ARID1B: variants seen among roughly 807,000 people sequenced by gnomAD.
The protein encoded by ARID1B is AT-rich interactive domain-containing protein 1B.
ARID1B carries 30 observed loss-of-function variants against 212.3 expected under a neutral mutation model. The observed-to-expected ratio is 0.14, with a 90% CI of 0.11 to 0.19. The LOEUF (loss-of-function observed/expected upper bound fraction) is 0.19, where lower values mean the gene tolerates loss of function less well. Among genes scored for constraint, ARID1B ranks in the 10% least tolerant of loss-of-function variants. The pLI, the probability that ARID1B is intolerant of heterozygous loss-of-function variation, is 1.00. For synonymous variants in ARID1B, 1,402 were observed against 1,301.7 expected, an observed-to-expected ratio of 1.08 and a Z score of -1.66; for missense variants, 2,891 against 3,204.0, an observed-to-expected ratio of 0.90 and a Z score of 2.36.
At chr6:156,979,576 T>TG (rs397885283) in intron 4 of ARID1B, among the ~76,000 whole-genome samples, 1 of 151,418 alleles carries the variant, frequency 6.6e-6, no homozygotes, top group Non-Finnish European at 1.5e-5. Context: ...TTTTTTTTTT[T>TG]GAGACAAAGT....
At chr6:157,065,733 G>A (rs927159495) in intron 4 of ARID1B, among the ~76,000 whole-genome samples, 3 of 152,214 alleles carry the variant, frequency 2.0e-5, no homozygotes, top group African/African-American at 7.2e-5. Context: ...CATTAGTGCT[G>A]ACCTATCAGG....
At chr6:156,950,113 A>T (rs926785402) in intron 4 of ARID1B, among the ~76,000 whole-genome samples, 12 of 152,240 alleles carry the variant, frequency 7.9e-5, no homozygotes, top group African/African-American at 2.9e-4. Flanking sequence ...GGTTGGTAGC[A>T]TAGTGGCTGC....
At chr6:156,986,446 C>A (rs1251912694) in intron 4 of ARID1B, among the ~76,000 whole-genome samples, 1 of 152,212 alleles carries the variant, frequency 6.6e-6, no homozygotes, top group Non-Finnish European at 1.5e-5. Context: ...ACCCCCTGCA[C>A]GGTAAAATCA....
chr6:157,110,522 C>A lies in ARID1B; in HGVS notation c.2542C>A (p.His848Asn), dbSNP rs758038225. The part of the protein sequence containing the change: ...PPGSQSESSS[H>N]PALSQSPMPQ... ...CGGGAGCCAGTCAGAATCCAGTTCCCATCCCGCCTTGAGCCAGTCACCAAT... is the reference window on the plus strand; with the variant it reads ...CGGGAGCCAGTCAGAATCCAGTTCCAATCCCGCCTTGAGCCAGTCACCAAT... The change falls in exon 6 of 20, where the codon CAT becomes AAT. Residue 848 changes from histidine (H) to asparagine (N), a missense_variant. Physicochemically the swap from His to Asn is moderately conservative, Grantham distance 68 (BLOSUM62 1). Around this residue, in one of 7 missense-constraint regions of ARID1B, gnomAD observed 1,643 missense variants for 1,544.0 expected, o/e 1.06. Coordinates refer to ENST00000636930, the MANE Select transcript of ARID1B (RefSeq NM_001374828.1). The A allele has an allele frequency of 5.6e-6, 9 of 1,614,048 alleles. 1 individual carries two copies. Among genetic ancestry groups the A allele is most frequent in the Non-Finnish European group, 8.5e-7 (1 of 1,180,038 alleles).
chr6:157,170,834 G>A (rs1458945527), intron 9 of ARID1B, among the ~76,000 whole-genome samples: 2 of 152,224 alleles, frequency 1.3e-5, no homozygotes, highest in Admixed American at 6.5e-5. Flanking sequence ...CTCCCGAGCC[G>A]TTCTTAGATC....
chr6:156,845,725 T>C (rs148887031), intron 2 of ARID1B, among the ~76,000 whole-genome samples: 394 of 152,308 alleles, frequency 2.6e-3, no homozygotes, highest in African/African-American at 9.0e-3. Flanking sequence ...GCTAGACTCA[T>C]TCAGTATTAA....
intron 13 of ARID1B, chr6:157,186,770 CT>C (rs1296814437): frequency 2.3e-5 from 8 of 342,556 alleles, no homozygotes; most frequent in Non-Finnish European, 4.0e-5. Context: ...CTAAAAGATT[CT>C]GAAGAAACAT....
chr6:157,137,149 A>G (rs1788981562), intron 7 of ARID1B, among the ~76,000 whole-genome samples: 1 of 150,310 alleles, frequency 6.7e-6, no homozygotes, highest in Non-Finnish European at 1.5e-5. Flanking sequence ...CCACTGCTCT[A>G]CAGCCTGGGT....
At chr6:157,108,594 A>G (rs1416955643) in intron 5 of ARID1B, among the ~76,000 whole-genome samples, 1 of 152,220 alleles carries the variant, frequency 6.6e-6, no homozygotes, top group Non-Finnish European at 1.5e-5. Flanking sequence ...TAGGAAGCAC[A>G]TGACCCTGCA....
chr6:157,130,187 T>C (rs1788449069), intron 6 of ARID1B, among the ~76,000 whole-genome samples: 1 of 151,454 alleles, frequency 6.6e-6, no homozygotes, highest in Non-Finnish European at 1.5e-5. Context: ...AAAAAGAATA[T>C]AGTATATTAT....
intron 5 of ARID1B, among the ~76,000 whole-genome samples, chr6:157,099,033 A>G (rs1348394250): frequency 2.6e-5 from 4 of 152,072 alleles, no homozygotes; most frequent in Non-Finnish European, 4.4e-5. Context: ...GCATGATCTC[A>G]GATCGCTGCA....
At chr6:157,070,390 A>G (rs547518597) in intron 4 of ARID1B, among the ~76,000 whole-genome samples, 3 of 152,328 alleles carry the variant, frequency 2.0e-5, no homozygotes, top group African/African-American at 4.8e-5. Context: ...ATCTCTTCCT[A>G]TTGCTAGTAT....
At chr6:156,952,821 GT>G (rs1453360600) in intron 4 of ARID1B, among the ~76,000 whole-genome samples, 1 of 152,208 alleles carries the variant, frequency 6.6e-6, no homozygotes, top group Non-Finnish European at 1.5e-5. Context: ...TAATATTGTA[GT>G]AAAACTTACA....
At position 156,955,006 on chromosome 6, in the gene ARID1B, A is replaced by G. The variant is rs766660865; in HGVS notation, c.2247+19430A>G. Among the ~76,000 whole-genome samples the G allele has an allele frequency of 1.2e-4, 18 of 152,224 alleles. No individual in the cohort carries two copies. The highest frequency in any genetic ancestry group is 3.3e-4 in the Admixed American group (5 of 15,288). On this transcript the variant is annotated intron_variant, in intron 4 of 19. Coordinates refer to ENST00000636930, the MANE Select transcript of ARID1B (RefSeq NM_001374828.1). The surrounding 1 kb of genome is among the most constrained non-coding windows in gnomAD (Gnocchi z 4.2). ...CACGCTGCCGTGTATCGGAGGCGTCAGGGTCTGCAGGGCTTTGCGGCAGCT... is the reference window on the plus strand; with the variant it reads ...CACGCTGCCGTGTATCGGAGGCGTCGGGGTCTGCAGGGCTTTGCGGCAGCT...
At chr6:156,808,079 T>G (rs867753820) in intron 1 of ARID1B, among the ~76,000 whole-genome samples, 1 of 152,246 alleles carries the variant, frequency 6.6e-6, no homozygotes, top group Non-Finnish European at 1.5e-5. Flanking sequence ...CTGTTGAGGC[T>G]TTAACCCTAT....
intron 1 of ARID1B, among the ~76,000 whole-genome samples, chr6:156,810,271 A>T (rs187748528): frequency 6.6e-6 from 1 of 152,202 alleles, no homozygotes. Flanking sequence ...ATATTTTGTC[A>T]TACTGATTCC....
intron 4 of ARID1B, among the ~76,000 whole-genome samples, chr6:156,998,237 G>C (rs1400443670): frequency 6.7e-6 from 1 of 149,982 alleles, no homozygotes; most frequent in African/African-American, 2.5e-5. Flanking sequence ...TTGGTGGGCG[G>C]GGGTCAGAGT....
At chr6:156,912,663 A>G (rs916411086) in intron 3 of ARID1B, among the ~76,000 whole-genome samples, 1 of 152,174 alleles carries the variant, frequency 6.6e-6, no homozygotes, top group Non-Finnish European at 1.5e-5. Context: ...AACACAAGCA[A>G]TCAGGAGAAC....
chr6:156,856,672 C>CCTCTCTAT (rs1554259990), intron 2 of ARID1B, among the ~76,000 whole-genome samples: 1 of 108,728 alleles, frequency 9.2e-6, no homozygotes, highest in Non-Finnish European at 2.0e-5. Context: ...GCATGCATAT[C>CCTCTCTAT]CTCTCTCTCT....
Sources: gnomAD v4.1 joint callset for allele counts (sites outside exome capture counted in the v4.1 genomes callset) on GRCh38, gnomAD v4.1.1 for gene constraint, gnomAD v4.1.1 regional missense constraint, Gnocchi (gnomAD v3.1) non-coding constraint, MANE v1.5 for transcripts, NCBI Gene and HGNC (gene_info 2026-07-23, HGNC 2026-07-21) for gene names.